Variants in NLRC3 observed in about 807,000 individuals in gnomAD.
The protein encoded by NLRC3 is NLR family CARD domain-containing protein 3.
In NLRC3, 87 loss-of-function variants were observed where a neutral mutation model predicts 91.6. The observed-to-expected ratio is 0.95, with a 90% CI of 0.80 to 1.14. The LOEUF (loss-of-function observed/expected upper bound fraction) is 1.14, where lower values mean the gene tolerates loss of function less well. Ranked by LOEUF, NLRC3 falls within the 50% of genes most tolerant of loss-of-function variation. The pLI is 0.00. For synonymous variants in NLRC3, 694 were observed against 625.3 expected, an observed-to-expected ratio of 1.11 and a Z score of -1.64; for missense variants, 1,577 against 1,418.6, an observed-to-expected ratio of 1.11 and a Z score of -1.79.
chr16:3,576,588 C>T (rs771309842), intron 1 of NLRC3, among the ~76,000 whole-genome samples: 5 of 152,244 alleles, frequency 3.3e-5, no homozygotes, highest in Non-Finnish European at 2.9e-5. Flanking sequence ...TCACTGGTAC[C>T]TGGGGGAGCT....
chr16:3,554,584 C>G (rs2039197815), intron 8 of NLRC3, among the ~76,000 whole-genome samples: 1 of 152,214 alleles, frequency 6.6e-6, no homozygotes. Context: ...ACAAAGTCAT[C>G]AATTGCCCTC....
chr16:3,568,423 T>TA (rs1447706885), intron 1 of NLRC3, among the ~76,000 whole-genome samples: 7 of 152,100 alleles, frequency 4.6e-5, no homozygotes, highest in Admixed American at 3.9e-4. Context: ...CCAAGAGGGA[T>TA]AAAAAATATG....
chr16:3,564,081 T>G lies in NLRC3; in HGVS notation c.856A>C (p.Ile286Leu), dbSNP rs1304856648. ...PGGLVDRMTE[I>L]RGFNEEEIKV... ...ATCTCCTCCTCGTTAAAGCCCCGGATCTCCGTCATCCGGTCCACCAGGCCC... is the reference window on the plus strand; with the variant it reads ...ATCTCCTCCTCGTTAAAGCCCCGGAGCTCCGTCATCCGGTCCACCAGGCCC... Residue 286 changes from isoleucine to leucine, a missense_variant, in exon 5 of 20, where the codon ATC becomes CTC. By Grantham distance (5) the Ile-to-Leu change is conservative. Transcript: ENST00000359128. This position sits in a 1 kb window ranked among gnomAD's most constrained non-coding sequence, Gnocchi z 5.9. 4 of 1,613,308 alleles carry G rather than the reference T, an allele frequency of 2.5e-6. No homozygotes were observed. Among genetic ancestry groups the G allele is most frequent in the Non-Finnish European group, 3.4e-6 (4 of 1,179,882 alleles).
chr16:3,543,614 C>T lies in NLRC3; in HGVS notation c.2856-106G>A. ...TGACTCAGGATGGAAAGTGGAGAAA[C>T]AGCACTGAGAATGGTTGGCCAGCGC... On this transcript the variant is annotated intron_variant, in intron 16 of 19. Transcript: ENST00000359128. The T allele has an allele frequency of 5.2e-6, 4 of 766,618 alleles. No individual in the cohort carries two copies. In the South Asian group the frequency reaches 5.9e-5, roughly 11 times the overall value. The allele number at this position is 766,618 out of a possible 1,614,324, so 47.5% of individuals were successfully genotyped here. A position where few individuals can be genotyped will look rare whatever the true frequency, so the allele number is the denominator to read the frequency against.
intron 15 of NLRC3, chr16:3,545,526 A>G (rs1385419092): frequency 1.3e-5 from 2 of 152,062 alleles, no homozygotes; most frequent in African/African-American, 2.4e-5. Flanking sequence ...AAAAAAAATA[A>G]GAAAGACAAC....
In NLRC3 at chr16:3,541,623, C is replaced by T. The variant is rs575549666; in HGVS notation, c.*202G>A. 25 of 591,228 alleles carry T rather than the reference C, an allele frequency of 4.2e-5. No homozygotes were observed. In the East Asian group the frequency reaches 6.8e-4, roughly 16 times the overall value. The allele number at this position is 591,228 out of a possible 1,614,324, so 36.6% of individuals were successfully genotyped here. A position where few individuals can be genotyped will look rare whatever the true frequency, so the allele number is the denominator to read the frequency against. On this transcript the variant is annotated 3_prime_UTR_variant, in exon 20 of 20. Transcript: ENST00000359128. Reference sequence around the variant, plus strand: ...CTGTGCCATAACAGAGTACCCGTCACCCCCTGCCTGGACCACTCCTGCAGC... The same window carrying T: ...CTGTGCCATAACAGAGTACCCGTCATCCCCTGCCTGGACCACTCCTGCAGC...
chr16:3,558,106 C>T (rs759686383), intron 6 of NLRC3, among the ~76,000 whole-genome samples: 4 of 152,180 alleles, frequency 2.6e-5, no homozygotes, highest in Non-Finnish European at 5.9e-5. Context: ...CTTTGGGAGG[C>T]CAAGGCGGGA....
chr16:3,543,408 G>A lies in NLRC3; in HGVS notation c.2939+17C>T. 1 of 1,569,282 alleles carries A rather than the reference G, an allele frequency of 6.4e-7. No homozygotes were observed. Among genetic ancestry groups the A allele is most frequent in the East Asian group, 2.2e-5 (1 of 44,532 alleles). On this transcript the variant is annotated intron_variant, in intron 17 of 19. Transcript: ENST00000359128. ...TTCTTTGGGCTAAAGACCATAGATG[G>A]AGACTGGAATACTTACTCGAGAATC...
intron 10 of NLRC3, among the ~76,000 whole-genome samples, chr16:3,550,906 C>G (rs928689136): frequency 3.3e-5 from 5 of 152,146 alleles, no homozygotes; most frequent in Non-Finnish European, 5.9e-5. Context: ...CCAAAGTCAG[C>G]TAACCAGCAC....
intron 16 of NLRC3, chr16:3,543,829 A>G: frequency 2.6e-6 from 1 of 383,800 alleles, no homozygotes. Flanking sequence ...TATTAGGAAA[A>G]TCAAACACAC....
chr16:3,573,991 A>AT lies in NLRC3; in HGVS notation c.-169+3157dup, dbSNP rs537352906. Among the ~76,000 whole-genome samples the AT allele has an allele frequency of 4.3e-3, 463 of 106,564 alleles. 5 individuals carry two copies. The highest frequency in any genetic ancestry group is 0.016 in the African/African-American group (447 of 27,334). 69.9% of individuals were successfully genotyped at this position (106,564 alleles called of 152,430 possible). A position where few individuals can be genotyped will look rare whatever the true frequency, so the allele number is the denominator to read the frequency against. On this transcript the variant is annotated intron_variant, in intron 1 of 19. Transcript: ENST00000359128. ...AGGTGAGGACCACCATGCTTGGCCC[A>AT]TTGTAACCATTTTATCTTTTTTTTT...
Position 3,564,713 on chromosome 16 carries a change from C to T in NLRC3, c.224G>A (p.Gly75Glu). 1 of 1,596,364 alleles carries T rather than the reference C, an allele frequency of 6.3e-7. No individual in the cohort carries two copies. Among genetic ancestry groups the T allele is most frequent in the East Asian group, 2.2e-5 (1 of 44,788 alleles). Residue 75 changes from glycine (G) to glutamate (E), a missense_variant, in exon 5 of 20, where the codon GGA (glycine) becomes GAA (glutamate). Gly to Glu is a moderately conservative substitution (Grantham distance 98). Coordinates refer to ENST00000359128, the MANE Select transcript of NLRC3 (RefSeq NM_178844.4). This position sits in a 1 kb window ranked among gnomAD's most constrained non-coding sequence, Gnocchi z 5.9. ...RHRKALLSKV[G>E]GGPELGGPWH... Reference sequence around the variant, plus strand: ...GGGTCCGCCCAGCTCCGGGCCACCTCCCACCTTGCTCAGCAGGGCCTTGCG... The same window carrying T: ...GGGTCCGCCCAGCTCCGGGCCACCTTCCACCTTGCTCAGCAGGGCCTTGCG...
intron 13 of NLRC3, 136 bp downstream of exon 13, chr16:3,549,006 G>C: frequency 1.4e-6 from 1 of 726,150 alleles, no homozygotes; most frequent in Non-Finnish European, 2.4e-6. Context: ...CCGATGTCAG[G>C]TCTCCTGGCT....
intron 9 of NLRC3, 145 bp from the exon 10 acceptor site, chr16:3,552,424 CTT>C: frequency 1.6e-6 from 1 of 636,528 alleles, no homozygotes; most frequent in East Asian, 2.7e-5. Context: ...CCAGATGGGT[CTT>C]TGGATTGTTG....
chr16:3,563,818 G>A lies in NLRC3; in HGVS notation c.1119C>T (p.Ser373=), dbSNP rs773442789. The A allele has an allele frequency of 1.4e-5, 22 of 1,609,210 alleles. No homozygotes were observed. Among genetic ancestry groups the A allele is most frequent in the East Asian group, 6.7e-5 (3 of 44,860 alleles). Residue 373 remains serine (S), a synonymous_variant, in exon 5 of 20, where the codon AGC becomes AGT. Coordinates refer to ENST00000359128, the MANE Select transcript of NLRC3 (RefSeq NM_178844.4). ...CCTTGCCCTTCTCCTGCCCCTCCCC[G>A]CTGAGGGCCATCCTAAAGTACCATG... ...LYSWYFRMAL[S]GEGQEKGKAS...
At chr16:3,570,803 C>T (rs537403662) in intron 1 of NLRC3, among the ~76,000 whole-genome samples, 1 of 152,070 alleles carries the variant, frequency 6.6e-6, no homozygotes, top group Non-Finnish European at 1.5e-5. Flanking sequence ...AGCCAGTCAC[C>T]GTTGTTGTAA....
chr16:3,541,915 A>T lies in NLRC3; in HGVS notation c.3108T>A (p.Asn1036Lys). ...LSGNHRLQHI[N>K]LQGNHIGDSG... ...AGTCCCCAATGTGGTTTCCCTGGAG[A>T]CTAGAAGAGTAGGGTTAAGGCAGGG... The change falls in exon 20 of 20, where the codon AAT (asparagine) becomes AAA (lysine). Residue 1036 changes from asparagine (N) to lysine (K), a missense_variant and splice_region_variant. Asn to Lys is a moderately conservative substitution (Grantham distance 94, BLOSUM62 0). Coordinates refer to ENST00000359128, the MANE Select transcript of NLRC3 (RefSeq NM_178844.4). 1 of 1,594,288 alleles carries T rather than the reference A, an allele frequency of 6.3e-7. No homozygotes were observed. The highest frequency in any genetic ancestry group is 1.1e-5 in the South Asian group (1 of 89,610).
intron 16 of NLRC3, chr16:3,543,730 T>C: frequency 1.8e-6 from 1 of 565,264 alleles, no homozygotes; most frequent in Admixed American, 3.0e-5. Context: ...AGGCTGTCCC[T>C]GGAAGGGCTC....
Position 3,564,998 on chromosome 16 carries a change from G to A in NLRC3, c.39C>T (p.Gly13=). The A allele has an allele frequency of 6.2e-7, 1 of 1,610,406 alleles. No homozygotes were observed. ...CTGGGGAGCCCGTACCGTGGCCCTGGCCGGCCTCCCTGCCCGTCCGCACCT... is the reference window on the plus strand; with the variant it reads ...CTGGGGAGCCCGTACCGTGGCCCTGACCGGCCTCCCTGCCCGTCCGCACCT... ...KQEVRTGREA[G]QGHGTGSPAE... is the part of the protein sequence containing the mutation. Residue 13 remains glycine, a synonymous_variant, in exon 4 of 20, where the codon GGC becomes GGT. Coordinates refer to ENST00000359128, the MANE Select transcript of NLRC3 (RefSeq NM_178844.4). The surrounding 1 kb of genome is among the most constrained non-coding windows in gnomAD (Gnocchi z 5.9).
Sources: allele counts gnomAD v4.1 joint callset (sites outside exome capture counted in the v4.1 genomes callset), GRCh38; gene constraint gnomAD v4.1.1; non-coding constraint Gnocchi (gnomAD v3.1); transcripts MANE v1.5; gene names NCBI Gene and HGNC (gene_info 2026-07-23, HGNC 2026-07-21).